The following CCDC85A variants were observed in gnomAD, a reference collection of about 807,000 sequenced individuals.
The protein encoded by CCDC85A is coiled-coil domain-containing protein 85A.
CCDC85A carries 38 observed loss-of-function variants against 50.2 expected under a neutral mutation model. That is an observed-to-expected ratio of 0.76 (90% confidence interval 0.58 to 0.99). The LOEUF (loss-of-function observed/expected upper bound fraction) is 0.99, where lower values mean the gene tolerates loss of function less well. Ranked by LOEUF, CCDC85A falls within the 50% of genes least tolerant of loss-of-function variation. CCDC85A has a pLI of 0.00. For synonymous variants in CCDC85A, 366 were observed against 301.4 expected, an observed-to-expected ratio of 1.21 and a Z score of -2.22; for missense variants, 820 against 742.0, an observed-to-expected ratio of 1.11 and a Z score of -1.22.
intron 2 of CCDC85A, among the ~76,000 whole-genome samples, chr2:56,310,710 C>G (rs1672650478): frequency 6.6e-6 from 1 of 152,114 alleles, no homozygotes; most frequent in African/African-American, 2.4e-5. Flanking sequence ...ACTATAAGGT[C>G]TACAGAACTG....
intron 2 of CCDC85A, among the ~76,000 whole-genome samples, chr2:56,251,574 TGTTGGTG>T (rs1303756824): frequency 1.3e-5 from 2 of 152,146 alleles, no homozygotes; most frequent in Non-Finnish European, 2.9e-5. Context: ...CCTTGGTCTG[TGTTGGTG>T]GTGGCAGGGT....
At chr2:56,224,340 G>A (rs1007687724) in intron 2 of CCDC85A, among the ~76,000 whole-genome samples, 3 of 152,064 alleles carry the variant, frequency 2.0e-5, no homozygotes, top group African/African-American at 7.2e-5. Flanking sequence ...TGCATATACC[G>A]CATTTGAAAA....
At chr2:56,342,753 T>TC in intron 2 of CCDC85A, 126 bp from the exon 3 acceptor site, 1 of 538,636 alleles carries the variant, frequency 1.9e-6, no homozygotes. Context: ...GATATTTTTT[T>TC]TTCTCATTTT....
At chr2:56,270,821 G>A (rs538602048) in intron 2 of CCDC85A, among the ~76,000 whole-genome samples, 8 of 152,294 alleles carry the variant, frequency 5.3e-5, no homozygotes, top group East Asian at 1.9e-4. Context: ...GTGATGCTTC[G>A]TAGGCAGTTT....
chr2:56,312,723 T>G (rs1672751490), intron 2 of CCDC85A, among the ~76,000 whole-genome samples: 1 of 152,184 alleles, frequency 6.6e-6, no homozygotes, highest in Non-Finnish European at 1.5e-5. Context: ...TTAAGGATTT[T>G]AACTTGGCAA....
At chr2:56,187,634 G>C (rs1437971861) in intron 1 of CCDC85A, among the ~76,000 whole-genome samples, 1 of 152,174 alleles carries the variant, frequency 6.6e-6, no homozygotes, top group African/African-American at 2.4e-5. Flanking sequence ...CATAGATGAA[G>C]AAACCCCAGT....
At chr2:56,326,528 T>G (rs956715111) in intron 2 of CCDC85A, among the ~76,000 whole-genome samples, 1 of 152,086 alleles carries the variant, frequency 6.6e-6, no homozygotes, top group Non-Finnish European at 1.5e-5. Flanking sequence ...GACCAGAACT[T>G]TCCCTCCGTA....
intron 2 of CCDC85A, among the ~76,000 whole-genome samples, chr2:56,298,066 C>G (rs940620949): frequency 2.4e-4 from 36 of 152,164 alleles, no homozygotes; most frequent in African/African-American, 8.4e-4. Flanking sequence ...TCAGAACCAT[C>G]TTGCATAGCC....
At chr2:56,308,784 G>T (rs1175853921) in intron 2 of CCDC85A, among the ~76,000 whole-genome samples, 1 of 152,160 alleles carries the variant, frequency 6.6e-6, no homozygotes, top group Non-Finnish European at 1.5e-5. Flanking sequence ...CTTTCTCATT[G>T]ACCGCTGCGC....
intron 2 of CCDC85A, among the ~76,000 whole-genome samples, chr2:56,252,623 A>G (rs554431978): frequency 1.1e-3 from 161 of 152,186 alleles, no homozygotes; most frequent in African/African-American, 3.8e-3. Context: ...TACACGTGCC[A>G]TGGTGGTTTG....
At chr2:56,275,028 C>T (rs942144361) in intron 2 of CCDC85A, among the ~76,000 whole-genome samples, 1 of 152,114 alleles carries the variant, frequency 6.6e-6, no homozygotes, top group African/African-American at 2.4e-5. Flanking sequence ...TCCTCACGAC[C>T]TCATCCAAAT....
intron 2 of CCDC85A, among the ~76,000 whole-genome samples, chr2:56,339,779 A>C (rs760508006): frequency 6.6e-6 from 1 of 152,194 alleles, no homozygotes. Context: ...AGGGCTTGCA[A>C]AACAGTGTAA....
intron 3 of CCDC85A, among the ~76,000 whole-genome samples, chr2:56,368,545 T>C (rs887521959): frequency 6.6e-6 from 1 of 152,158 alleles, no homozygotes; most frequent in African/African-American, 2.4e-5. Flanking sequence ...TGATGAGGTA[T>C]TAAATATTAT....
intron 1 of CCDC85A, 126 bp downstream of exon 1, chr2:56,185,026 C>G (rs1005557401): frequency 8.5e-7 from 1 of 1,172,422 alleles, no homozygotes; most frequent in Non-Finnish European, 1.1e-6. Flanking sequence ...CCGGTCGGCA[C>G]CCCCTACCCC....
intron 2 of CCDC85A, among the ~76,000 whole-genome samples, chr2:56,214,418 A>G (rs1294134499): frequency 6.6e-6 from 1 of 151,952 alleles, no homozygotes; most frequent in Admixed American, 6.6e-5. Flanking sequence ...CACCACTTGG[A>G]CACTGTAGAT....
chr2:56,374,882 G>C (rs1019631620), intron 4 of CCDC85A, among the ~76,000 whole-genome samples: 1 of 152,206 alleles, frequency 6.6e-6, no homozygotes, highest in Non-Finnish European at 1.5e-5. Context: ...TCTTCGGGGT[G>C]TTAGATTGAT....
At chr2:56,367,397 CT>C (rs1181380948) in intron 3 of CCDC85A, among the ~76,000 whole-genome samples, 1 of 152,168 alleles carries the variant, frequency 6.6e-6, no homozygotes, top group Non-Finnish European at 1.5e-5. Flanking sequence ...TCCTTTCAAG[CT>C]CCAAATCCTG....
In CCDC85A at chr2:56,184,670, G is replaced by A. The variant is rs1000718912; in HGVS notation, c.46G>A (p.Glu16Lys). The A allele has an allele frequency of 1.4e-6, 2 of 1,470,260 alleles. No homozygotes were observed. Among genetic ancestry groups the A allele is most frequent in the Non-Finnish European group, 1.8e-6 (2 of 1,121,336 alleles). 91.1% of individuals were successfully genotyped at this position (1,470,260 alleles called of 1,614,324 possible). A position where few individuals can be genotyped will look rare whatever the true frequency, so the allele number is the denominator to read the frequency against. ...CGCGGCGGCGGCTGCGGCGGCGGCG[G>A]AAAGTTGTTCCCCAGCCCCGGCCGG... ...GGAAAAAAAA[E>K]SCSPAPAGSS... is the part of the protein sequence containing the mutation. The change falls in exon 1 of 6, where the codon GAA becomes AAA. Residue 16 changes from glutamate to lysine, a missense_variant. Transcript: ENST00000407595.
intron 2 of CCDC85A, among the ~76,000 whole-genome samples, chr2:56,231,879 C>G (rs980972471): frequency 6.6e-6 from 1 of 152,076 alleles, no homozygotes; most frequent in African/African-American, 2.4e-5. Context: ...CCATGATGAT[C>G]CAGAGGGTAC....
Sources: gnomAD v4.1 joint callset for allele counts (sites outside exome capture counted in the v4.1 genomes callset) on GRCh38, gnomAD v4.1.1 for gene constraint, MANE v1.5 for transcripts, NCBI Gene and HGNC (gene_info 2026-07-23, HGNC 2026-07-21) for gene names.